Variants in EGF observed in about 807,000 individuals in gnomAD.
The protein encoded by EGF is pro-epidermal growth factor.
In EGF, 95 loss-of-function variants were observed where a neutral mutation model predicts 143.8. That is an observed-to-expected ratio of 0.66 (90% CI 0.56 to 0.78). The LOEUF (loss-of-function observed/expected upper bound fraction) is 0.78, where lower values mean the gene tolerates loss of function less well. EGF is among the 30% of genes least tolerant of loss of function. EGF has a pLI of 0.00. For missense variants in EGF, 1,320 were observed against 1,470.9 expected (o/e 0.90, Z 1.68); for synonymous variants, 510 against 510.5 (o/e 1.00, Z 0.01).
At chr4:109,960,495 A>G (rs1049231561) in intron 6 of EGF, among the ~76,000 whole-genome samples, 6 of 152,158 alleles carry the variant, frequency 3.9e-5, no homozygotes, top group Admixed American at 6.5e-5. Context: ...ATATACAAAA[A>G]TTAGCTGAGT....
At chr4:109,988,229 A>G (rs1401164506) in intron 17 of EGF, among the ~76,000 whole-genome samples, 1 of 150,044 alleles carries the variant, frequency 6.7e-6, no homozygotes, top group Non-Finnish European at 1.5e-5. Context: ...AGCTTAGGTC[A>G]TAAGTTTTAG....
chr4:110,009,327 T>C (rs191736695), intron 23 of EGF, among the ~76,000 whole-genome samples: 15 of 152,350 alleles, frequency 9.8e-5, no homozygotes, highest in Admixed American at 9.2e-4. Context: ...TTTGCTTCAG[T>C]GCTTATTGTT....
chr4:109,941,241 A>G, intron 2 of EGF, 96 bp downstream of exon 2: 2 of 1,158,534 alleles, frequency 1.7e-6, no homozygotes, highest in South Asian at 1.3e-5. Context: ...TGAAAATTAT[A>G]TAACAGTTCA....
chr4:109,913,459 G>T lies in EGF; in HGVS notation c.124G>T (p.Val42Leu). ...CGCAGGAAATGGGAATTCTACTTGT[G>T]TGGGTAAGTACTCCAATGAAAAGGT... ...TLAGNGNSTC[V>L]GPAPFLIFSH... is the part of the protein sequence containing the mutation. Residue 42 changes from valine to leucine, a missense_variant, in exon 1 of 24, where the codon GTG (valine) becomes TTG (leucine). Transcript: ENST00000265171. The T allele has an allele frequency of 1.2e-6, 2 of 1,613,654 alleles. No homozygotes were observed. The highest frequency in any genetic ancestry group is 1.7e-6 in the Non-Finnish European group (2 of 1,179,764).
At chr4:109,914,980 T>C (rs1256038016) in intron 1 of EGF, among the ~76,000 whole-genome samples, 2 of 152,164 alleles carry the variant, frequency 1.3e-5, no homozygotes, top group Non-Finnish European at 2.9e-5. Context: ...AGAACCCAGG[T>C]TGCTGAAGCA....
At chr4:109,924,544 C>T (rs1364083246) in intron 1 of EGF, among the ~76,000 whole-genome samples, 1 of 150,278 alleles carries the variant, frequency 6.7e-6, no homozygotes, top group Non-Finnish European at 1.5e-5. Context: ...TCCACATACA[C>T]AGGGATTCCT....
chr4:110,008,327 C>T, intron 23 of EGF, 97 bp downstream of exon 23: 1 of 1,371,518 alleles, frequency 7.3e-7, no homozygotes, highest in South Asian at 1.2e-5. Context: ...CACACACACA[C>T]AAACAAAATA....
intron 12 of EGF, among the ~76,000 whole-genome samples, chr4:109,975,418 C>T (rs976632853): frequency 2.0e-5 from 3 of 152,054 alleles, no homozygotes; most frequent in African/African-American, 7.2e-5. Context: ...TGGAGCCAGC[C>T]AAATGATTAA....
chr4:109,947,683 A>T (rs1743082075), intron 5 of EGF, among the ~76,000 whole-genome samples: 1 of 152,260 alleles, frequency 6.6e-6, no homozygotes, highest in Non-Finnish European at 1.5e-5. Flanking sequence ...ATGACTCACA[A>T]CAAAATCATA....
intron 8 of EGF, among the ~76,000 whole-genome samples, chr4:109,962,489 A>G (rs988254459): frequency 3.9e-5 from 6 of 152,348 alleles, no homozygotes; most frequent in African/African-American, 1.4e-4. Flanking sequence ...ATTTTCTAAT[A>G]AAACAAAGCC....
Position 109,983,490 on chromosome 4 carries a change from G to C in EGF, c.2440G>C (p.Asp814His), listed in dbSNP as rs1253682366. Residue 814 changes from aspartate (D) to histidine (H), a missense_variant, in exon 16 of 24, where the codon GAT becomes CAT. Coordinates refer to ENST00000265171, the MANE Select transcript of EGF (RefSeq NM_001963.6). Reference protein sequence around the residue: ...DILSKTRVSEDNITESQHMLV... With the variant: ...DILSKTRVSEHNITESQHMLV... ...CTTGTCCAAGACTAGAGTGTCAGAA[G>C]ATAACATTACAGAATCTCAACACAT... is the stretch of plus-strand genomic sequence containing the variant. 2 of 1,613,694 alleles carry C rather than the reference G, an allele frequency of 1.2e-6. No homozygotes were observed. The highest frequency in any genetic ancestry group is 2.2e-5 in the South Asian group (2 of 91,078).
intron 22 of EGF, among the ~76,000 whole-genome samples, chr4:110,006,624 T>C (rs1446301602): frequency 1.3e-5 from 2 of 152,238 alleles, no homozygotes; most frequent in Non-Finnish European, 2.9e-5. Context: ...CTACATGGTA[T>C]TTCATTCAGG....
intron 1 of EGF, among the ~76,000 whole-genome samples, chr4:109,932,377 A>ATATATATATATATATATATATATAT (rs1553929849): frequency 8.0e-4 from 99 of 123,808 alleles, no homozygotes; most frequent in Non-Finnish European, 1.1e-3. Flanking sequence ...ATATATATAT[A>ATATATATATATATATATATATATAT]AATTTTTTTT....
At chr4:109,981,633 T>A (rs938621350) in intron 15 of EGF, among the ~76,000 whole-genome samples, 3 of 152,178 alleles carry the variant, frequency 2.0e-5, no homozygotes, top group Non-Finnish European at 2.9e-5. Context: ...TTTTATTAAA[T>A]TTTTTAAAAA....
chr4:109,968,703 T>TACCTAC lies in EGF; in HGVS notation c.1576-268_1576-267insACCTAC, dbSNP rs1560708126. On this transcript the variant is annotated intron_variant, in intron 10 of 23. Transcript: ENST00000265171. Reference sequence around the variant, plus strand: ...ATCTATCTATCTATCTATCTATCTATCTATCTACCTACCTACCTACCTACC... The same window carrying TACCTAC: ...ATCTATCTATCTATCTATCTATCTATACCTACCTATCTACCTACCTACCTACCTACC... 4.0e-5 allele frequency: 16 copies of TACCTAC among 399,196 alleles called. No homozygotes were observed. The East Asian group carries it at 7.6e-4, about 19-fold the overall frequency. 24.7% of individuals were successfully genotyped at this position (399,196 alleles called of 1,614,324 possible). A position where few individuals can be genotyped will look rare whatever the true frequency, so the allele number is the denominator to read the frequency against.
At chr4:109,937,668 A>T (rs1214311948) in intron 1 of EGF, among the ~76,000 whole-genome samples, 3 of 151,998 alleles carry the variant, frequency 2.0e-5, no homozygotes, top group Non-Finnish European at 4.4e-5. Context: ...TCCTTTCCAT[A>T]TTTAGTGCTT....
chr4:109,989,004 C>T (rs1453236245), intron 18 of EGF, among the ~76,000 whole-genome samples: 2 of 152,166 alleles, frequency 1.3e-5, no homozygotes, highest in African/African-American at 4.8e-5. Flanking sequence ...CTCATCAATA[C>T]TTCCCACCTT....
At chr4:109,967,553 GT>G (rs1327884306) in intron 10 of EGF, among the ~76,000 whole-genome samples, 3 of 152,160 alleles carry the variant, frequency 2.0e-5, no homozygotes, top group Admixed American at 2.0e-4. Context: ...TTTTAGGATT[GT>G]TTTTTCTAAT....
intron 12 of EGF, among the ~76,000 whole-genome samples, chr4:109,975,558 A>G (rs1168575580): frequency 6.6e-6 from 1 of 152,258 alleles, no homozygotes; most frequent in Non-Finnish European, 1.5e-5. Context: ...TACATTGCAT[A>G]AAACTGGGTA....
Sources: allele counts gnomAD v4.1 joint callset (sites outside exome capture counted in the v4.1 genomes callset), GRCh38; gene constraint gnomAD v4.1.1; transcripts MANE v1.5; gene names NCBI Gene and HGNC (gene_info 2026-07-23, HGNC 2026-07-21).